The following ALMS1 variants were observed in gnomAD, a reference collection of about 807,000 sequenced individuals.
The protein encoded by ALMS1 is centrosome-associated protein ALMS1.
ALMS1 carries 271 observed loss-of-function variants against 352.2 expected under a neutral mutation model. That is an observed-to-expected ratio of 0.77 (90% CI 0.70 to 0.85). The LOEUF is 0.85. Ranked by LOEUF, ALMS1 falls within the 40% of genes least tolerant of loss-of-function variation. The pLI, the probability that ALMS1 is intolerant of heterozygous loss-of-function variation, is 0.00. For synonymous variants in ALMS1, 1,865 were observed against 1,761.2 expected, an observed-to-expected ratio of 1.06 and a Z score of -1.48; for missense variants, 5,445 against 4,870.7, an observed-to-expected ratio of 1.12 and a Z score of -3.51.
chr2:73,463,122 A>C (rs556913655), intron 9 of ALMS1, among the ~76,000 whole-genome samples: 1 of 152,368 alleles, frequency 6.6e-6, no homozygotes, highest in Admixed American at 6.5e-5. Context: ...AGACATCTAC[A>C]GAACTCTCCA....
In ALMS1 at chr2:73,408,739, G is replaced by C. The variant is rs757606922; in HGVS notation, c.442G>C (p.Asp148His). The change falls in exon 2 of 23, where the codon GAT becomes CAT. Residue 148 changes from aspartate to histidine, a missense_variant. Physicochemically the swap from Asp to His is moderately conservative, Grantham distance 81 (BLOSUM62 -1). Transcript: ENST00000613296. ...AACAACAGCTCAGCGGGGTTCTGGG[G>C]ATGATCAGGTATGTCTTCTGTAACT... ...LETTAQRGSG[D>H]DQKTESWHCL... The C allele has an allele frequency of 6.2e-7, 1 of 1,612,772 alleles. No individual in the cohort carries two copies.
At chr2:73,497,707 A>C (rs1461446651) in intron 10 of ALMS1, among the ~76,000 whole-genome samples, 1 of 152,206 alleles carries the variant, frequency 6.6e-6, no homozygotes, top group African/African-American at 2.4e-5. Flanking sequence ...AAGTTACTGC[A>C]AAAGACATTA....
chr2:73,507,583 T>A (rs2103934478), intron 10 of ALMS1, among the ~76,000 whole-genome samples: 2 of 152,348 alleles, frequency 1.3e-5, no homozygotes, highest in Middle Eastern at 3.4e-3. Flanking sequence ...CAGTATTCTC[T>A]GATGGTAGTT....
intron 2 of ALMS1, among the ~76,000 whole-genome samples, chr2:73,412,983 T>C (rs961266171): frequency 6.6e-6 from 1 of 151,942 alleles, no homozygotes; most frequent in Non-Finnish European, 1.5e-5. Flanking sequence ...ATCAGTTTTT[T>C]CTTTTTTTCT....
intron 12 of ALMS1, among the ~76,000 whole-genome samples, chr2:73,549,839 GT>G (rs1304762593): frequency 6.6e-6 from 1 of 151,942 alleles, no homozygotes; most frequent in Non-Finnish European, 1.5e-5. Context: ...GTAGTGTAGT[GT>G]TTTTTTGTTT....
At chr2:73,443,047 A>G (rs948452887) in intron 7 of ALMS1, among the ~76,000 whole-genome samples, 3 of 152,150 alleles carry the variant, frequency 2.0e-5, no homozygotes, top group Non-Finnish European at 2.9e-5. Flanking sequence ...CGTTGATTCT[A>G]TCAGACTCCC....
rs532485320 is a variant in ALMS1, at chr2:73,479,237, C to A, written c.7675-10397C>A. On this transcript the variant is annotated intron_variant, in intron 9 of 22. Coordinates refer to ENST00000613296, the MANE Select transcript of ALMS1 (RefSeq NM_001378454.1). ...TCACATATACCCTTCACCCAATTTC[C>A]CCAAGTGGTAACATCTTGCATAACT... 3.4e-4 allele frequency among the ~76,000 whole-genome samples: 52 copies of A among 152,172 alleles called. No individual in the cohort carries two copies. The South Asian group carries it at 3.5e-3, about 10-fold the overall frequency.
rs761242664 is a variant in ALMS1, at chr2:73,490,085, A to G, written c.8126A>G (p.Lys2709Arg). 1.2e-6 allele frequency: 2 copies of G among 1,614,208 alleles called. No homozygotes were observed. The highest frequency in any genetic ancestry group is 1.1e-5 in the South Asian group (1 of 91,074). Residue 2709 changes from lysine (K) to arginine (R), a missense_variant, in exon 10 of 23, where the codon AAA (lysine) becomes AGA (arginine). Physicochemically the swap from Lys to Arg is conservative, Grantham distance 26 (BLOSUM62 2). Coordinates refer to ENST00000613296, the MANE Select transcript of ALMS1 (RefSeq NM_001378454.1). ...SSQMPSPEPM[K>R]KFTTSITFSS... is the part of the protein sequence containing the mutation. ...CAAATGCCGTCCCCAGAACCCATGAAAAAGTTTACTACCTCCATCACTTTT... is the reference window on the plus strand; with the variant it reads ...CAAATGCCGTCCCCAGAACCCATGAGAAAGTTTACTACCTCCATCACTTTT...
chr2:73,531,676 C>T (rs2421552), intron 11 of ALMS1, among the ~76,000 whole-genome samples: 44,729 of 152,160 alleles, frequency 0.29, 7,897 homozygotes, highest in African/African-American at 0.5. Context: ...TTCATTTTCA[C>T]ACTGCTTTAA....
intron 9 of ALMS1, among the ~76,000 whole-genome samples, chr2:73,464,474 C>T (rs946756275): frequency 2.0e-5 from 3 of 152,146 alleles, no homozygotes; most frequent in Admixed American, 6.5e-5. Context: ...CTATGACAAA[C>T]CCACAGCCAA....
chr2:73,428,379 C>G (rs1442016255), intron 6 of ALMS1, among the ~76,000 whole-genome samples: 2 of 152,068 alleles, frequency 1.3e-5, no homozygotes, highest in Non-Finnish European at 2.9e-5. Flanking sequence ...CCCCCTCCCC[C>G]CACCTTTTAA....
At chr2:73,538,524 TAGGACAGTGGGTGC>T (rs1286027603) in intron 12 of ALMS1, among the ~76,000 whole-genome samples, 10 of 152,002 alleles carry the variant, frequency 6.6e-5, no homozygotes, top group South Asian at 2.1e-4. Flanking sequence ...CTAGGGATTG[TAGGACAGTGGGTGC>T]AGGACAGTGG....
intron 1 of ALMS1, among the ~76,000 whole-genome samples, chr2:73,401,615 A>G (rs1572900843): frequency 6.7e-6 from 1 of 150,132 alleles, no homozygotes; most frequent in South Asian, 2.1e-4. Context: ...TGATATACAT[A>G]TACCTAGTGA....
At chr2:73,607,835 T>C (rs1030482976) in intron 21 of ALMS1, among the ~76,000 whole-genome samples, 1 of 147,248 alleles carries the variant, frequency 6.8e-6, no homozygotes, top group African/African-American at 2.5e-5. Flanking sequence ...TTTTGGTGTG[T>C]GTGGTTTTAG....
intron 7 of ALMS1, 80 bp downstream of exon 7, chr2:73,432,371 T>C: frequency 2.0e-6 from 2 of 1,011,798 alleles, no homozygotes; most frequent in Non-Finnish European, 3.0e-6. Flanking sequence ...TATCTAATTT[T>C]GTATTTTTTA....
chr2:73,445,031 T>C (rs934901827), intron 7 of ALMS1, among the ~76,000 whole-genome samples: 1 of 105,326 alleles, frequency 9.5e-6, no homozygotes, highest in Non-Finnish European at 2.5e-5. Context: ...TAAAAAAACA[T>C]GAATTTGAGT....
In ALMS1 at chr2:73,426,560, C is replaced by G; in HGVS notation, c.1338+7C>G. The G allele has an allele frequency of 1.2e-6, 2 of 1,612,476 alleles. No homozygotes were observed. The highest frequency in any genetic ancestry group is 1.7e-6 in the Non-Finnish European group (2 of 1,178,518). On this transcript the variant is annotated splice_region_variant and intron_variant, in intron 6 of 22. Coordinates refer to ENST00000613296, the MANE Select transcript of ALMS1 (RefSeq NM_001378454.1). The stretch of plus-strand genomic sequence containing the variant: ...TGCTGAACTACAAAGAAAGGTGAGA[C>G]ACAATAAAATGATAGTTGTAAGAAA...
At chr2:73,529,148 A>G (rs537538481) in intron 11 of ALMS1, among the ~76,000 whole-genome samples, 46 of 150,966 alleles carry the variant, frequency 3.0e-4, no homozygotes, top group Middle Eastern at 3.4e-3. Context: ...GGTTCAAGCA[A>G]TTCTCCTGCC....
chr2:73,490,738 C>A lies in ALMS1; in HGVS notation c.8779C>A (p.Arg2927=), dbSNP rs376244626. The A allele has an allele frequency of 3.0e-4, 483 of 1,613,980 alleles. No homozygotes were observed. The highest frequency in any genetic ancestry group is 3.9e-4 in the Non-Finnish European group (455 of 1,180,018). ...TCCTTCTTGCATTTTTCTTGAACAA[C>A]GAGAACTCTTTGAACAGTGCAAAGC... ...DLPSCIFLEQ[R]ELFEQCKAPY... Residue 2927 remains arginine, a synonymous_variant, in exon 10 of 23, where the codon CGA becomes AGA. Coordinates refer to ENST00000613296, the MANE Select transcript of ALMS1 (RefSeq NM_001378454.1).
Sources: allele counts gnomAD v4.1 joint callset (sites outside exome capture counted in the v4.1 genomes callset), GRCh38; gene constraint gnomAD v4.1.1; transcripts MANE v1.5; gene names NCBI Gene and HGNC (gene_info 2026-07-23, HGNC 2026-07-21).